PLD6: variants seen among roughly 807,000 people sequenced by gnomAD.
PLD6 encodes the protein mitochondrial cardiolipin hydrolase.
In PLD6, 10 loss-of-function variants were observed where a neutral mutation model predicts 9.7. The ratio of observed to expected loss-of-function variants is 1.03; its 90% confidence interval spans 0.64 to 1.75. The LOEUF (loss-of-function observed/expected upper bound fraction) is 1.75. PLD6 is among the 40% of genes most tolerant of loss of function. The pLI is 0.00. For missense variants in PLD6, 334 were observed against 347.6 expected (o/e 0.96, Z 0.31); for synonymous variants, 152 against 159.2 (o/e 0.96, Z 0.34).
chr17:17,204,944 C>G (rs1231454983), intron 1 of PLD6, among the ~76,000 whole-genome samples: 1 of 152,130 alleles, frequency 6.6e-6, no homozygotes, highest in African/African-American at 2.4e-5. Context: ...AGGAACAGCG[C>G]GGCGGTGACC....
intron 1 of PLD6, 79 bp downstream of exon 1, chr17:17,205,781 C>T: frequency 6.8e-7 from 1 of 1,472,452 alleles, no homozygotes; most frequent in Non-Finnish European, 9.1e-7. Context: ...CAGACCCCCT[C>T]CCCTAAGTGT....
At position 17,203,965 on chromosome 17, in the gene PLD6, C is replaced by G. The variant is rs181554335; in HGVS notation, c.428-867G>C. Reference sequence around the variant, plus strand: ...CATGGAACTCATATTTAATTGTGCCCCCTAAATTGGGCCTGGCAGGATGAA... The same window carrying G: ...CATGGAACTCATATTTAATTGTGCCGCCTAAATTGGGCCTGGCAGGATGAA... On this transcript the variant is annotated intron_variant, in intron 1 of 1. Transcript: ENST00000321560. 1.2e-3 allele frequency among the ~76,000 whole-genome samples: 179 copies of G among 152,184 alleles called. 1 individual carries two copies. Among genetic ancestry groups the G allele is most frequent in the African/African-American group, 4.0e-3 (168 of 41,504 alleles).
intron 1 of PLD6, 100 bp from the exon 2 acceptor site, chr17:17,203,198 G>A (rs978109062): frequency 7.8e-7 from 1 of 1,288,508 alleles, no homozygotes; most frequent in Non-Finnish European, 1.1e-6. Flanking sequence ...TTCCAGTTTG[G>A]TGGGCCAGGA....
chr17:17,206,298 TC>T lies in PLD6; in HGVS notation c.-13del, dbSNP rs1292387066. On this transcript the variant is annotated 5_prime_UTR_variant, in exon 1 of 2. Transcript: ENST00000321560. ...CTCAACCGTCCCATGCCGCCGCTAATCCGGGACCCACAGCCACGCCGCCGCA... is the reference window on the plus strand; with the variant it reads ...CTCAACCGTCCCATGCCGCCGCTAATCGGGACCCACAGCCACGCCGCCGCA... 2 of 1,520,906 alleles carry T rather than the reference TC, an allele frequency of 1.3e-6. No individual in the cohort carries two copies. The highest frequency in any genetic ancestry group is 4.1e-5 in the Admixed American group (2 of 49,236). The allele number at this position is 1,520,906 out of a possible 1,614,324, so 94.2% of individuals were successfully genotyped here.
chr17:17,202,170 C>T lies in PLD6; in HGVS notation c.*597G>A, dbSNP rs919352948. On this transcript the variant is annotated 3_prime_UTR_variant, in exon 2 of 2. Transcript: ENST00000321560. ...TTATGCAAGGAATCAAGGGAACAGC[C>T]AGCCTTTGGTGGCAATGACGCTCAC... 3 of 155,852 alleles carry T rather than the reference C, an allele frequency of 1.9e-5. No homozygotes were observed. Among genetic ancestry groups the T allele is most frequent in the Admixed American group, 1.2e-4 (2 of 16,180 alleles). The allele number at this position is 155,852 out of a possible 1,614,324, so 9.7% of individuals were successfully genotyped here. A position where few individuals can be genotyped will look rare whatever the true frequency, so the allele number is the denominator to read the frequency against.
chr17:17,205,087 C>G (rs1049939106), intron 1 of PLD6, among the ~76,000 whole-genome samples: 1 of 152,138 alleles, frequency 6.6e-6, no homozygotes, highest in African/African-American at 2.4e-5. Flanking sequence ...CAGAGACAGG[C>G]CCAAGAGTCT....
Position 17,203,096 on chromosome 17 carries a change from TC to T in PLD6, c.429del (p.Ile144SerfsTer115), listed in dbSNP as rs775281929. The T allele has an allele frequency of 6.2e-7, 1 of 1,612,778 alleles. No individual in the cohort carries two copies. Among genetic ancestry groups the T allele is most frequent in the Non-Finnish European group, 8.5e-7 (1 of 1,178,860 alleles). ...GSQIGLLRKA[G>X]IQVRHDQDPG... ...GGGTCTTGATCGTGCCGGACCTGGATCCCTGCAGAAAGGACAAGGTGATTTC... is the reference window on the plus strand; with the variant it reads ...GGGTCTTGATCGTGCCGGACCTGGATCCTGCAGAAAGGACAAGGTGATTTC... On this transcript the variant is annotated frameshift_variant and splice_region_variant, in exon 2 of 2. Coordinates refer to ENST00000321560, the MANE Select transcript of PLD6 (RefSeq NM_178836.4). LOFTEE classifies it low-confidence loss of function (END_TRUNC).
At chr17:17,203,452 T>C (rs2046691511) in intron 1 of PLD6, among the ~76,000 whole-genome samples, 1 of 152,206 alleles carries the variant, frequency 6.6e-6, no homozygotes, top group Non-Finnish European at 1.5e-5. Flanking sequence ...AAAGACAGCG[T>C]GTGAGCCTTC....
At position 17,202,739 on chromosome 17, in the gene PLD6, C is replaced by G. The variant is rs34585164; in HGVS notation, c.*28G>C. 6.3e-7 allele frequency: 1 copy of G among 1,595,610 alleles called. No individual in the cohort carries two copies. The highest frequency in any genetic ancestry group is 8.6e-7 in the Non-Finnish European group (1 of 1,168,514). On this transcript the variant is annotated 3_prime_UTR_variant, in exon 2 of 2. Coordinates refer to ENST00000321560, the MANE Select transcript of PLD6 (RefSeq NM_178836.4). ...CCCTCCCTCAGAACGCACAGCAGCCCGCAGGGAGGGCTCAGCCCCATTCTT... is the reference window on the plus strand; with the variant it reads ...CCCTCCCTCAGAACGCACAGCAGCCGGCAGGGAGGGCTCAGCCCCATTCTT...
At chr17:17,204,178 G>A (rs1328217649) in intron 1 of PLD6, among the ~76,000 whole-genome samples, 1 of 152,118 alleles carries the variant, frequency 6.6e-6, no homozygotes, top group Non-Finnish European at 1.5e-5. Context: ...TCCCCTCCCC[G>A]CGGCCTGCCA....
At chr17:17,203,872 G>A (rs1489301029) in intron 1 of PLD6, among the ~76,000 whole-genome samples, 4 of 152,162 alleles carry the variant, frequency 2.6e-5, no homozygotes. Flanking sequence ...TTCAGATAAA[G>A]AGTAATCTTT....
In PLD6 at chr17:17,206,316, G is replaced by T; in HGVS notation, c.-30C>A. 1 of 1,493,910 alleles carries T rather than the reference G, an allele frequency of 6.7e-7. No individual in the cohort carries two copies. The highest frequency in any genetic ancestry group is 1.3e-5 in the South Asian group (1 of 79,182). The allele number at this position is 1,493,910 out of a possible 1,614,324, so 92.5% of individuals were successfully genotyped here. ...CCGCTAATCCGGGACCCACAGCCAC[G>T]CCGCCGCAGCGGAGTCTGCGCGCCC... On this transcript the variant is annotated 5_prime_UTR_variant, in exon 1 of 2. Transcript: ENST00000321560.
chr17:17,201,896 C>CAATCGTTTGAACCCAGGA lies in PLD6; in HGVS notation c.*853_*870dup, dbSNP rs1465884418. On this transcript the variant is annotated 3_prime_UTR_variant, in exon 2 of 2. Transcript: ENST00000321560. ...AGCTACTCGGGAGGCTGAGGCAGGA[C>CAATCGTTTGAACCCAGGA]AATCGTTTGAACCCAGGAGGCAGAG... The CAATCGTTTGAACCCAGGA allele has an allele frequency of 1.3e-5, 2 of 151,978 alleles. No homozygotes were observed. Among genetic ancestry groups the CAATCGTTTGAACCCAGGA allele is most frequent in the Non-Finnish European group, 2.9e-5 (2 of 68,024 alleles). The allele number at this position is 151,978 out of a possible 1,614,324, so 9.4% of individuals were successfully genotyped here.
Position 17,206,317 on chromosome 17 carries a change from C to A in PLD6, c.-31G>T. 6.7e-7 allele frequency: 1 copy of A among 1,494,442 alleles called. No individual in the cohort carries two copies. Among genetic ancestry groups the A allele is most frequent in the Non-Finnish European group, 8.8e-7 (1 of 1,132,586 alleles). The allele number at this position is 1,494,442 out of a possible 1,614,324, so 92.6% of individuals were successfully genotyped here. ...CGCTAATCCGGGACCCACAGCCACG[C>A]CGCCGCAGCGGAGTCTGCGCGCCCC... On this transcript the variant is annotated 5_prime_UTR_variant, in exon 1 of 2. Transcript: ENST00000321560.
intron 1 of PLD6, among the ~76,000 whole-genome samples, chr17:17,204,013 G>A (rs765664392): frequency 3.3e-5 from 5 of 152,038 alleles, no homozygotes; most frequent in African/African-American, 4.8e-5. Context: ...TCCTTACCTC[G>A]AGGAGCCAGC....
chr17:17,202,998 C>T lies in PLD6; in HGVS notation c.528G>A (p.Thr176=), dbSNP rs144490572. The part of the protein sequence containing the change: ...VLITGSLNWT[T]QAIQNNRENV... ...TCTCCCTGTTGTTCTGGATGGCTTG[C>T]GTGGTCCAGTTGAGCGAGCCAGTGA... is the stretch of plus-strand genomic sequence containing the variant. The change falls in exon 2 of 2, where the codon ACG becomes ACA. Residue 176 remains threonine, a synonymous_variant. Transcript: ENST00000321560. The T allele has an allele frequency of 2.3e-4, 369 of 1,614,192 alleles. 1 individual carries two copies. The highest frequency in any genetic ancestry group is 3.0e-4 in the Non-Finnish European group (357 of 1,180,038).
intron 1 of PLD6, 133 bp from the exon 2 acceptor site, chr17:17,203,231 G>T: frequency 1.1e-6 from 1 of 942,806 alleles, no homozygotes; most frequent in Non-Finnish European, 1.6e-6. Flanking sequence ...CTTTCACAGA[G>T]TGGTGGCGGC....
rs1238852533 is a variant in PLD6, at chr17:17,202,015, TAAAA to T, written c.*748_*751del. On this transcript the variant is annotated 3_prime_UTR_variant, in exon 2 of 2. Coordinates refer to ENST00000321560, the MANE Select transcript of PLD6 (RefSeq NM_178836.4). ...AAGATAAATAAATAAATAAATAAAA[TAAAA>T]AAAGTTAAAAGCCCAACATAGAAAC... 4 of 151,860 alleles carry T rather than the reference TAAAA, an allele frequency of 2.6e-5. No individual in the cohort carries two copies. Among genetic ancestry groups the T allele is most frequent in the African/African-American group, 7.3e-5 (3 of 41,316 alleles). 9.4% of individuals were successfully genotyped at this position (151,860 alleles called of 1,614,324 possible). A position where few individuals can be genotyped will look rare whatever the true frequency, so the allele number is the denominator to read the frequency against.
chr17:17,205,542 C>T (rs2046710708), intron 1 of PLD6, among the ~76,000 whole-genome samples: 2 of 152,164 alleles, frequency 1.3e-5, no homozygotes, highest in African/African-American at 4.8e-5. Flanking sequence ...CGAGGAGTTG[C>T]TAGGGGAATC....
Sources: allele counts gnomAD v4.1 joint callset (sites outside exome capture counted in the v4.1 genomes callset), GRCh38; gene constraint gnomAD v4.1.1; transcripts MANE v1.5; gene names NCBI Gene and HGNC (gene_info 2026-07-23, HGNC 2026-07-21).